The following LIN28B variants were observed in gnomAD, a reference collection of about 807,000 sequenced individuals.
The protein encoded by LIN28B is lin-28 RNA binding posttranscriptional regulator B, also known as protein lin-28 homolog B.
In LIN28B, 5 loss-of-function variants were observed where a neutral mutation model predicts 21.9. That is an observed-to-expected ratio of 0.23 (90% confidence interval 0.12 to 0.48). The LOEUF is 0.48. LIN28B is among the 20% of genes least tolerant of loss of function. The pLI is 0.98. For missense variants in LIN28B, 245 were observed against 310.5 expected (o/e 0.79, Z 1.58); for synonymous variants, 109 against 111.3 (o/e 0.98, Z 0.13).
intron 2 of LIN28B, among the ~76,000 whole-genome samples, chr6:105,017,862 G>C (rs1771060428): frequency 6.6e-6 from 1 of 152,152 alleles, no homozygotes; most frequent in East Asian, 1.9e-4. Flanking sequence ...CCATGTGACA[G>C]ACCTGCACAG....
chr6:105,068,581 T>C (rs549122067), intron 3 of LIN28B, among the ~76,000 whole-genome samples: 32 of 152,338 alleles, frequency 2.1e-4, no homozygotes, highest in Middle Eastern at 3.4e-3. Flanking sequence ...CTTGTTACGC[T>C]GAATAGTACT....
chr6:105,058,087 G>A, intron 3 of LIN28B: 1 of 406,306 alleles, frequency 2.5e-6, no homozygotes, highest in Non-Finnish European at 4.9e-6. Context: ...TTTGACTCCT[G>A]GCTTGACGGT....
intron 2 of LIN28B, among the ~76,000 whole-genome samples, chr6:104,997,874 A>G (rs1770644592): frequency 6.6e-6 from 1 of 152,048 alleles, no homozygotes; most frequent in Non-Finnish European, 1.5e-5. Context: ...TTTTTCCTTA[A>G]TTTATTCCCT....
At chr6:105,074,233 T>A (rs1772381693) in intron 3 of LIN28B, among the ~76,000 whole-genome samples, 1 of 152,244 alleles carries the variant, frequency 6.6e-6, no homozygotes, top group South Asian at 2.1e-4. Context: ...AGTCTCGCTC[T>A]GTCGCCCAGG....
At chr6:104,957,694 G>T (rs1445451105) in intron 1 of LIN28B, among the ~76,000 whole-genome samples, 2 of 152,074 alleles carry the variant, frequency 1.3e-5, no homozygotes, top group Admixed American at 6.5e-5. Context: ...CCATCTTCAC[G>T]ATTTCTCTTT....
chr6:105,077,178 C>T (rs986642152), intron 3 of LIN28B, among the ~76,000 whole-genome samples: 20 of 151,832 alleles, frequency 1.3e-4, no homozygotes, highest in Non-Finnish European at 1.5e-5. Flanking sequence ...TGCAGTGAAC[C>T]GAGATCACTG....
At chr6:104,955,231 CCT>C (rs1778270754), upstream of LIN28B, among the ~76,000 whole-genome samples, 1 of 152,054 alleles carries the variant, frequency 6.6e-6, no homozygotes, top group African/African-American at 2.4e-5. Flanking sequence ...CAAAATAATG[CCT>C]AGTAAATGTT....
At chr6:104,957,602 A>G (rs1778309163) in intron 1 of LIN28B, among the ~76,000 whole-genome samples, 1 of 151,660 alleles carries the variant, frequency 6.6e-6, no homozygotes, top group African/African-American at 2.4e-5. Flanking sequence ...TTTAATTGAA[A>G]GTTATGGGGG....
At chr6:104,953,180 C>T (rs1227771698), upstream of LIN28B, among the ~76,000 whole-genome samples, 1 of 152,122 alleles carries the variant, frequency 6.6e-6, no homozygotes, top group Non-Finnish European at 1.5e-5. Context: ...CGCCCCCAGC[C>T]TTGCGTCCAG....
chr6:105,007,335 T>G (rs983627494), intron 2 of LIN28B, among the ~76,000 whole-genome samples: 1 of 152,176 alleles, frequency 6.6e-6, no homozygotes, highest in Non-Finnish European at 1.5e-5. Context: ...AATAATTTAT[T>G]GAAACAGAGT....
At chr6:104,986,535 A>C in intron 2 of LIN28B, among the ~76,000 whole-genome samples, 1 of 33,520 alleles carries the variant, frequency 3.0e-5, no homozygotes, top group South Asian at 1.3e-3. Flanking sequence ...TTTCTACCAA[A>C]AAAAAAAAAA....
chr6:105,055,057 A>G (rs1259221673), intron 3 of LIN28B, among the ~76,000 whole-genome samples: 6 of 152,118 alleles, frequency 3.9e-5, no homozygotes, highest in Admixed American at 2.0e-4. Flanking sequence ...TGTAAAATGT[A>G]TCTTTTTTCT....
chr6:105,075,303 G>A (rs1001308939), intron 3 of LIN28B, among the ~76,000 whole-genome samples: 2 of 152,100 alleles, frequency 1.3e-5, no homozygotes, highest in East Asian at 3.9e-4. Flanking sequence ...TGAACAAAGG[G>A]GACTAAAATC....
rs1424754190 is a variant in LIN28B at position 104,957,181 on chromosome 6, A to G, written c.-70A>G. 1 of 1,613,816 alleles carries G rather than the reference A, an allele frequency of 6.2e-7. No individual in the cohort carries two copies. The highest frequency in any genetic ancestry group is 8.5e-7 in the Non-Finnish European group (1 of 1,179,756). ...CAAAATCAAGATGTTAGATTGATGC[A>G]GAAGATCACTCCGTTCCAAAGGGAA... On this transcript the variant is annotated 5_prime_UTR_variant, in exon 1 of 4. Transcript: ENST00000345080.
At chr6:105,014,630 C>G (rs1367446907) in intron 2 of LIN28B, among the ~76,000 whole-genome samples, 2 of 152,074 alleles carry the variant, frequency 1.3e-5, no homozygotes, top group African/African-American at 4.8e-5. Context: ...CCTTAAATTT[C>G]TTTTTATAGC....
chr6:104,958,384 A>G, intron 2 of LIN28B, 98 bp downstream of exon 2: 3 of 974,258 alleles, frequency 3.1e-6, no homozygotes, highest in Non-Finnish European at 3.0e-6. Context: ...GTCCTTCGGT[A>G]TATTGAAAGA....
rs186541524 is a variant in LIN28B, at chr6:105,008,359, G to A, written c.199-17939G>A. ...AATTTTTATTTTCATAAAAGAGCAT[G>A]CCAGGCTGGGCGCGGTGGCTCACGT... On this transcript the variant is annotated intron_variant, in intron 2 of 3. Coordinates refer to ENST00000345080, the MANE Select transcript of LIN28B (RefSeq NM_001004317.4). Among the ~76,000 whole-genome samples the A allele has an allele frequency of 4.1e-3, 619 of 152,160 alleles. 22 individuals are homozygous for A. Among genetic ancestry groups the A allele is most frequent in the Admixed American group, 0.037 (573 of 15,284 alleles).
intron 2 of LIN28B, among the ~76,000 whole-genome samples, chr6:104,966,831 C>T (rs1769870190): frequency 6.6e-6 from 1 of 152,106 alleles, no homozygotes; most frequent in South Asian, 2.1e-4. Flanking sequence ...CCGAGTTAGC[C>T]AGGATGGTCT....
intron 2 of LIN28B, among the ~76,000 whole-genome samples, chr6:104,982,652 C>T (rs895617948): frequency 6.6e-6 from 1 of 152,074 alleles, no homozygotes; most frequent in African/African-American, 2.4e-5. Context: ...TCTCATGGGC[C>T]ATATGTGGTT....
Sources: allele counts gnomAD v4.1 joint callset (sites outside exome capture counted in the v4.1 genomes callset), GRCh38; gene constraint gnomAD v4.1.1; transcripts MANE v1.5; gene names NCBI Gene and HGNC (gene_info 2026-07-23, HGNC 2026-07-21).